The following MAP4K5 variants were observed in gnomAD, a reference collection of about 807,000 sequenced individuals.
MAP4K5 encodes the protein mitogen-activated protein kinase kinase kinase kinase 5.
In MAP4K5, 82 loss-of-function variants were observed where a neutral mutation model predicts 135.6. The observed-to-expected ratio is 0.60, with a 90% confidence interval of 0.51 to 0.73. The LOEUF (loss-of-function observed/expected upper bound fraction) is 0.73. Ranked by LOEUF, MAP4K5 falls within the 30% of genes least tolerant of loss-of-function variation. The pLI is 0.00. For synonymous variants in MAP4K5, 347 were observed against 335.0 expected (o/e 1.04, Z -0.39); for missense variants, 907 against 1,010.9 (o/e 0.90, Z 1.39).
intron 28 of MAP4K5, among the ~76,000 whole-genome samples, chr14:50,430,066 A>G (rs1004718887): frequency 1.8e-4 from 27 of 152,108 alleles, no homozygotes; most frequent in African/African-American, 6.0e-4. Flanking sequence ...AACCTGATTT[A>G]AGGAATATAG....
chr14:50,455,331 G>A (rs1414438214), intron 14 of MAP4K5, among the ~76,000 whole-genome samples: 1 of 151,874 alleles, frequency 6.6e-6, no homozygotes, highest in Non-Finnish European at 1.5e-5. Context: ...AAAACTATAC[G>A]AGAAAAGATA....
chr14:50,487,505 C>T (rs535573864), intron 3 of MAP4K5, among the ~76,000 whole-genome samples: 10 of 152,214 alleles, frequency 6.6e-5, no homozygotes, highest in East Asian at 1.9e-4. Context: ...ACTGAATGAA[C>T]GTCTGAGAGA....
At chr14:50,552,802 G>A (rs142673073) in intron 1 of MAP4K5, among the ~76,000 whole-genome samples, 1 of 152,272 alleles carries the variant, frequency 6.6e-6, no homozygotes, top group African/African-American at 2.4e-5. Flanking sequence ...GGGATAACTG[G>A]CAAGCCACAT....
intron 14 of MAP4K5, among the ~76,000 whole-genome samples, chr14:50,454,050 T>A (rs1003055759): frequency 6.6e-6 from 1 of 152,150 alleles, no homozygotes; most frequent in Non-Finnish European, 1.5e-5. Context: ...AACAGAAGAA[T>A]GGATAAATTG....
intron 3 of MAP4K5, among the ~76,000 whole-genome samples, chr14:50,491,695 T>C (rs2037487404): frequency 6.6e-6 from 1 of 151,834 alleles, no homozygotes; most frequent in Non-Finnish European, 1.5e-5. Context: ...TTCTTTTTTT[T>C]TTTTTTTCGA....
At chr14:50,491,687 CT>C (rs777465443) in intron 3 of MAP4K5, among the ~76,000 whole-genome samples, 4,209 of 137,574 alleles carry the variant, frequency 0.031, 157 homozygotes, top group African/African-American at 0.098. Flanking sequence ...ACTGAACTTT[CT>C]TTTTTTTTTT....
At chr14:50,529,521 C>G (rs972805938) in intron 2 of MAP4K5, among the ~76,000 whole-genome samples, 1 of 152,100 alleles carries the variant, frequency 6.6e-6, no homozygotes, top group African/African-American at 2.4e-5. Flanking sequence ...ATTCATTCAT[C>G]AAATTTTTAG....
chr14:50,466,661 T>G lies in MAP4K5; in HGVS notation c.675-16A>C, dbSNP rs369362033. The stretch of plus-strand genomic sequence containing the variant: ...GAAGAGAGCCCTGAAATAAAAATTA[T>G]AGTTAAAGAACAATATCAAAATTAC... On this transcript the variant is annotated splice_polypyrimidine_tract_variant and intron_variant, in intron 10 of 32. Coordinates refer to ENST00000682126, the MANE Select transcript of MAP4K5 (RefSeq NM_006575.6). 4 of 1,196,926 alleles carry G rather than the reference T, an allele frequency of 3.3e-6. No homozygotes were observed. The highest frequency in any genetic ancestry group is 4.8e-6 in the Non-Finnish European group (4 of 826,494). The allele number at this position is 1,196,926 out of a possible 1,614,324, so 74.1% of individuals were successfully genotyped here. A position where few individuals can be genotyped will look rare whatever the true frequency, so the allele number is the denominator to read the frequency against.
intron 11 of MAP4K5, 91 bp from the exon 12 acceptor site, chr14:50,464,224 A>G: frequency 6.1e-6 from 4 of 653,990 alleles, no homozygotes; most frequent in Non-Finnish European, 2.7e-6. Flanking sequence ...GTTAGTCTAA[A>G]ACACCATGAT....
In MAP4K5 at chr14:50,494,293, C is replaced by T. The variant is rs556076075; in HGVS notation, c.167-8099G>A. On this transcript the variant is annotated intron_variant, in intron 3 of 32. Transcript: ENST00000682126. ...AAGTGATTCTTCTGCCTCAGCCTCCCGAGTAGCTGGGACTATAGGCACATG... is the reference window on the plus strand; with the variant it reads ...AAGTGATTCTTCTGCCTCAGCCTCCTGAGTAGCTGGGACTATAGGCACATG... Among the ~76,000 whole-genome samples, 40 of 151,946 alleles carry T rather than the reference C, an allele frequency of 2.6e-4. No individual in the cohort carries two copies. In the South Asian group the frequency reaches 6.9e-3, roughly 26 times the overall value.
At chr14:50,528,003 G>A (rs949833472) in intron 2 of MAP4K5, among the ~76,000 whole-genome samples, 1 of 152,016 alleles carries the variant, frequency 6.6e-6, no homozygotes, top group African/African-American at 2.4e-5. Context: ...AGATCCTTGT[G>A]GTCAGAGGTA....
chr14:50,493,729 T>C (rs2037534644), intron 3 of MAP4K5, among the ~76,000 whole-genome samples: 1 of 151,984 alleles, frequency 6.6e-6, no homozygotes, highest in South Asian at 2.1e-4. Context: ...TTAGGCCGGG[T>C]GCAGTGGGTC....
At chr14:50,451,229 C>T (rs10141280) in intron 14 of MAP4K5, among the ~76,000 whole-genome samples, 127,753 of 151,844 alleles carry the variant, frequency 0.84, 55,255 homozygotes, top group East Asian at 0.93. Flanking sequence ...CAAGTCACGG[C>T]AACAGAAACA....
chr14:50,421,203 G>GT lies in MAP4K5; in HGVS notation c.2454-1098dup, dbSNP rs948548277. On this transcript the variant is annotated intron_variant, in intron 32 of 32. Coordinates refer to ENST00000682126, the MANE Select transcript of MAP4K5 (RefSeq NM_006575.6). ...TGTTATTAAAATTTTGACATGCTTA[G>GT]TTTTTTTTTCCTAGACACAAGTATC... Among the ~76,000 whole-genome samples, 15 of 151,358 alleles carry GT rather than the reference G, an allele frequency of 9.9e-5. No homozygotes were observed. In the East Asian group the frequency reaches 2.1e-3, roughly 21 times the overall value.
rs149708496 is a variant in MAP4K5, at chr14:50,506,919, G to A, written c.109-2062C>T. ...CATAAGAACTGTCTGTTAGCCTCAC[G>A]TCTTCTTCTAATTCCTAAAATTTCC... is the stretch of plus-strand genomic sequence containing the variant. On this transcript the variant is annotated intron_variant, in intron 2 of 32. Transcript: ENST00000682126. Among the ~76,000 whole-genome samples the A allele has an allele frequency of 4.1e-3, 626 of 152,220 alleles. 3 individuals carry two copies. Among genetic ancestry groups the A allele is most frequent in the Non-Finnish European group, 6.5e-3 (443 of 68,008 alleles).
At chr14:50,558,301 G>A (rs1342822909) in intron 1 of MAP4K5, among the ~76,000 whole-genome samples, 1 of 152,256 alleles carries the variant, frequency 6.6e-6, no homozygotes, top group East Asian at 1.9e-4. Context: ...GGAGGTTGTA[G>A]TGAGCTGAGA....
intron 1 of MAP4K5, among the ~76,000 whole-genome samples, chr14:50,555,006 A>C (rs1000423950): frequency 1.3e-5 from 2 of 152,180 alleles, no homozygotes; most frequent in Non-Finnish European, 2.9e-5. Context: ...TTAGACCCCA[A>C]AATTTTTGTT....
intron 17 of MAP4K5, among the ~76,000 whole-genome samples, chr14:50,445,716 T>C (rs1163300041): frequency 6.6e-6 from 1 of 152,096 alleles, no homozygotes; most frequent in Non-Finnish European, 1.5e-5. Flanking sequence ...ATTACAAGCA[T>C]ACGCCACCAT....
At chr14:50,423,763 T>C (rs1566630015) in intron 31 of MAP4K5, among the ~76,000 whole-genome samples, 1 of 152,168 alleles carries the variant, frequency 6.6e-6, no homozygotes, top group East Asian at 1.9e-4. Context: ...AGCAAGACCC[T>C]GTATACTCTG....
Sources: allele counts gnomAD v4.1 joint callset (sites outside exome capture counted in the v4.1 genomes callset), GRCh38; gene constraint gnomAD v4.1.1; transcripts MANE v1.5; gene names NCBI Gene and HGNC (gene_info 2026-07-23, HGNC 2026-07-21).